NASP: variants seen among roughly 807,000 people sequenced by gnomAD.
The protein encoded by NASP is nuclear autoantigenic sperm protein.
Under a neutral mutation model 89.5 loss-of-function variants are expected in NASP, and 24 were observed. The ratio of observed to expected loss-of-function variants is 0.27; its 90% CI spans 0.19 to 0.38. The LOEUF is 0.38. Ranked by LOEUF, NASP falls within the 10% of genes least tolerant of loss-of-function variation. The pLI is 1.00. For missense variants in NASP, 848 were observed against 921.4 expected (o/e 0.92, Z 1.03); for synonymous variants, 306 against 324.7 (o/e 0.94, Z 0.62).
intron 2 of NASP, chr1:45,600,326 T>A (rs3014211): frequency 1.7e-6 from 2 of 1,193,632 alleles, no homozygotes; most frequent in Non-Finnish European, 1.1e-6. Context: ...AGATAATGAG[T>A]ATTTTCATCA....
chr1:45,608,509 A>G (rs1356439955), intron 6 of NASP, 172 bp downstream of exon 6: 1 of 658,404 alleles, frequency 1.5e-6, no homozygotes, highest in East Asian at 2.7e-5. Flanking sequence ...AAGTAAGTTC[A>G]ATCAAAAGCA....
At chr1:45,611,861 T>A (rs1336375055) in intron 6 of NASP, 1 of 142,026 alleles carries the variant, frequency 7.0e-6, no homozygotes, top group Non-Finnish European at 1.5e-5. Flanking sequence ...GTATCTTTTT[T>A]TTTTTTTTTT....
intron 1 of NASP, among the ~76,000 whole-genome samples, chr1:45,587,687 T>TATATAA (rs66829841): frequency 0.088 from 6,896 of 78,148 alleles, 962 homozygotes; most frequent in Middle Eastern, 0.15. Flanking sequence ...TATATATATA[T>TATATAA]AATTAATTTT....
chr1:45,584,486 T>C (rs1288618927), intron 1 of NASP, among the ~76,000 whole-genome samples: 1 of 152,168 alleles, frequency 6.6e-6, no homozygotes, highest in Non-Finnish European at 1.5e-5. Flanking sequence ...GCCCCTCTCC[T>C]TCCTCCCCCA....
intron 2 of NASP, among the ~76,000 whole-genome samples, chr1:45,599,261 G>A (rs767345624): frequency 5.9e-5 from 9 of 151,842 alleles, no homozygotes; most frequent in African/African-American, 1.2e-4. Flanking sequence ...TGCGAGTAAC[G>A]GGGACTACAG....
chr1:45,604,852 A>C, intron 3 of NASP, 84 bp from the exon 4 acceptor site: 1 of 1,050,100 alleles, frequency 9.5e-7, no homozygotes, highest in Non-Finnish European at 1.4e-6. Flanking sequence ...TACTGGAGAA[A>C]TATCAATTTA....
chr1:45,587,842 G>C (rs1190731982), intron 1 of NASP, among the ~76,000 whole-genome samples: 1 of 150,676 alleles, frequency 6.6e-6, no homozygotes, highest in Non-Finnish European at 1.5e-5. Context: ...AAAATTAGCC[G>C]AGCATGGGTA....
chr1:45,610,275 C>T (rs923672303), intron 6 of NASP: 1 of 152,106 alleles, frequency 6.6e-6, no homozygotes, highest in Non-Finnish European at 1.5e-5. Flanking sequence ...TCATATGCTG[C>T]ATTTTTTGGT....
chr1:45,611,906 C>T (rs1363549512), intron 6 of NASP: 1 of 139,058 alleles, frequency 7.2e-6, no homozygotes, highest in Non-Finnish European at 1.5e-5. Flanking sequence ...GTCACCCAGG[C>T]TGGAGTGCAG....
intron 1 of NASP, among the ~76,000 whole-genome samples, chr1:45,587,418 G>C (rs1644568486): frequency 6.6e-6 from 1 of 151,622 alleles, no homozygotes; most frequent in Non-Finnish European, 1.5e-5. Flanking sequence ...TGATCAGCCG[G>C]TCTCGGCGTG....
At chr1:45,606,761 A>G (rs1461347780) in intron 5 of NASP, 170 bp downstream of exon 5, 1 of 457,956 alleles carries the variant, frequency 2.2e-6, no homozygotes, top group East Asian at 3.4e-5. Context: ...ACTGAAGCTG[A>G]CAGCAGATTT....
intron 2 of NASP, among the ~76,000 whole-genome samples, chr1:45,596,937 C>G (rs374922218): frequency 6.6e-6 from 1 of 151,784 alleles, no homozygotes; most frequent in South Asian, 2.1e-4. Context: ...GAGCTGAGAT[C>G]GCACTACTGC....
Position 45,618,092 on chromosome 1 carries a change from T to C in NASP, c.2318T>C (p.Val773Ala), listed in dbSNP as rs916513868. Reference protein sequence around the residue: ...AENQAESRAAVEGTVEAGATV... With the variant: ...AENQAESRAAAEGTVEAGATV... ...AATCAGGCTGAAAGCCGGGCAGCAG[T>C]GGAGGGGACAGTGGAGGCTGGAGCT... Residue 773 changes from valine to alanine, a missense_variant, in exon 15 of 15, where the codon GTG becomes GCG. By Grantham distance (64) the Val-to-Ala change is moderately conservative. This residue lies in a region of NASP where 218 missense variants were observed against 219.6 expected (regional missense o/e 0.99). Transcript: ENST00000350030. 3.7e-6 allele frequency: 6 copies of C among 1,603,998 alleles called. No individual in the cohort carries two copies. The highest frequency in any genetic ancestry group is 1.3e-5 in the African/African-American group (1 of 74,764).
Position 45,607,936 on chromosome 1 carries a change from AAG to A in NASP, c.1028_1029del (p.Glu343ValfsTer22). The A allele has an allele frequency of 6.2e-7, 1 of 1,614,164 alleles. No homozygotes were observed. The highest frequency in any genetic ancestry group is 8.5e-7 in the Non-Finnish European group (1 of 1,180,028). On this transcript the variant is annotated frameshift_variant, in exon 6 of 15. Coordinates refer to ENST00000350030, the MANE Select transcript of NASP (RefSeq NM_002482.4). LOFTEE classifies it high-confidence loss of function. The stretch of plus-strand genomic sequence containing the variant: ...GTAGGTCAAGAAGTACCACCTGCTG[AAG>A]AGTCACCAGAGGTGACAACAGAGGC...
At chr1:45,613,345 A>T in intron 7 of NASP, 97 bp downstream of exon 7, 1 of 1,356,030 alleles carries the variant, frequency 7.4e-7, no homozygotes, top group South Asian at 1.5e-5. Context: ...CAGTGGGGTG[A>T]TCATGATCAT....
At chr1:45,586,282 GTGGTGTGTGTGTGTGTGTGTGTGTGTGGT>G (rs1268137721) in intron 1 of NASP, among the ~76,000 whole-genome samples, 7 of 39,818 alleles carry the variant, frequency 1.8e-4, no homozygotes, top group East Asian at 6.2e-4. Context: ...GTGTGTGTGT[GTGGTGTGTGTGTGTGTGTGTGTGTGTGGT>G]GTGTGTGTGT....
intron 12 of NASP, 82 bp from the exon 13 acceptor site, chr1:45,616,544 C>T: frequency 3.9e-6 from 6 of 1,535,174 alleles, no homozygotes; most frequent in Non-Finnish European, 5.4e-6. Context: ...GACCTTGTCT[C>T]TGAAAAACTA....
Position 45,618,071 on chromosome 1 carries a change from A to G in NASP, c.2297A>G (p.Gln766Arg). ...SENMEEEAEN[Q>R]AESRAAVEGT... The stretch of plus-strand genomic sequence containing the variant: ...CTGTTTGTCTTCCAGGCTGAGAATC[A>G]GGCTGAAAGCCGGGCAGCAGTGGAG... The change falls in exon 15 of 15, where the codon CAG (glutamine) becomes CGG (arginine). Residue 766 changes from glutamine (Q) to arginine (R), a missense_variant. Transcript: ENST00000350030. 6.2e-7 allele frequency: 1 copy of G among 1,601,162 alleles called. No homozygotes were observed. The highest frequency in any genetic ancestry group is 8.5e-7 in the Non-Finnish European group (1 of 1,173,644).
chr1:45,614,548 GTT>G (rs10718022), intron 9 of NASP, among the ~76,000 whole-genome samples, 182 bp downstream of exon 9: 1 of 151,606 alleles, frequency 6.6e-6, no homozygotes, highest in African/African-American at 2.4e-5. Flanking sequence ...GTTTTGTTTT[GTT>G]TTTTTTGAGA....
Sources: allele counts gnomAD v4.1 joint callset (sites outside exome capture counted in the v4.1 genomes callset), GRCh38; gene constraint gnomAD v4.1.1; regional missense constraint gnomAD v4.1.1; transcripts MANE v1.5; gene names NCBI Gene and HGNC (gene_info 2026-07-23, HGNC 2026-07-21).